BTD: variants seen among roughly 807,000 people sequenced by gnomAD.
BTD encodes biotinidase.
A neutral mutation model predicts 17.7 loss-of-function variants in BTD; 13 were observed. The ratio of observed to expected loss-of-function variants is 0.74; its 90% CI spans 0.48 to 1.17. BTD has a LOEUF of 1.17. Among genes scored for constraint, BTD ranks in the 50% most tolerant of loss-of-function variants. BTD has a pLI of 0.00. For missense variants in BTD, 674 were observed against 650.4 expected, an observed-to-expected ratio of 1.04 and a Z score of -0.39; for synonymous variants, 240 against 245.2, an observed-to-expected ratio of 0.98 and a Z score of 0.20.
intron 3 of BTD, among the ~76,000 whole-genome samples, chr3:15,693,197 T>C (rs960984809): frequency 1.3e-5 from 2 of 152,226 alleles, no homozygotes; most frequent in Non-Finnish European, 2.9e-5. Context: ...AATGTAAATA[T>C]ACTTAACACT....
intron 1 of BTD, among the ~76,000 whole-genome samples, chr3:15,626,013 T>C (rs551492680): frequency 6.6e-6 from 1 of 152,242 alleles, no homozygotes; most frequent in Non-Finnish European, 1.5e-5. Flanking sequence ...TCAATCTGTT[T>C]CTTCTTTTAT....
intron 3 of BTD, among the ~76,000 whole-genome samples, chr3:15,664,098 T>TG (rs1383279775): frequency 6.6e-6 from 1 of 152,132 alleles, no homozygotes; most frequent in Non-Finnish European, 1.5e-5. Context: ...AACGGGGTTT[T>TG]GCCATGTTGG....
intron 3 of BTD, among the ~76,000 whole-genome samples, chr3:15,660,313 T>G (rs575428977): frequency 6.6e-6 from 1 of 152,372 alleles, no homozygotes; most frequent in Admixed American, 6.5e-5. Flanking sequence ...AAAGGTGCTT[T>G]ACCTTAGCTG....
intron 3 of BTD, among the ~76,000 whole-genome samples, chr3:15,700,710 G>T (rs2070451005): frequency 6.6e-6 from 1 of 152,130 alleles, no homozygotes; most frequent in Non-Finnish European, 1.5e-5. Context: ...GGAGGCGGAG[G>T]TTGCAGTGAG....
intron 3 of BTD, among the ~76,000 whole-genome samples, chr3:15,691,967 AAAAT>A (rs1459646861): frequency 6.6e-6 from 1 of 151,920 alleles, no homozygotes; most frequent in South Asian, 2.1e-4. Context: ...ATCTCTGCCA[AAAAT>A]AAATAAACAA....
intron 1 of BTD, chr3:15,602,339 C>T (rs2064289345): frequency 9.6e-7 from 1 of 1,041,898 alleles, no homozygotes; most frequent in Non-Finnish European, 1.2e-6. Context: ...TTCTCCAGCC[C>T]TTGCTACTAA....
rs910827835 is a variant in BTD at position 15,675,763 on chromosome 3, C to T, written c.399+33706C>T. On this transcript the variant is annotated intron_variant, in intron 3 of 3. Coordinates refer to the BTD transcript ENST00000672141. ...TATTTCTTTTGCCCTTATTCCTTTG[C>T]CACAAACTACTCTTCAATATTAACT... The T allele has an allele frequency of 2.5e-5, 17 of 683,886 alleles. No individual in the cohort carries two copies. In the African/African-American group the frequency reaches 2.9e-4, roughly 12 times the overall value. 42.4% of individuals were successfully genotyped at this position (683,886 alleles called of 1,614,324 possible).
At chr3:15,625,625 G>A (rs2065047385) in intron 1 of BTD, among the ~76,000 whole-genome samples, 1 of 152,044 alleles carries the variant, frequency 6.6e-6, no homozygotes, top group African/African-American at 2.4e-5. Context: ...GTGCGATCTC[G>A]GCTCACTGCA....
downstream of BTD, among the ~76,000 whole-genome samples, chr3:15,658,328 A>G (rs1288617784): frequency 6.6e-6 from 1 of 152,196 alleles, no homozygotes; most frequent in Admixed American, 6.5e-5. Context: ...CATGTGTTTC[A>G]GCCCCCTGAT....
downstream of BTD, among the ~76,000 whole-genome samples, chr3:15,653,834 C>T (rs963218690): frequency 2.0e-5 from 3 of 152,170 alleles, no homozygotes; most frequent in African/African-American, 7.2e-5. Context: ...GCATTAGTTC[C>T]GTGTAAAATA....
rs1050035768 is a variant in BTD, at chr3:15,645,484, A to T, written c.1568A>T (p.Asp523Val). 4 of 1,605,048 alleles carry T rather than the reference A, an allele frequency of 2.5e-6. No homozygotes were observed. The African/African-American group carries it at 5.3e-5, about 21-fold the overall frequency. ...AALYGRLYER[D>V] The stretch of plus-strand genomic sequence containing the variant: ...CTCTATGGGCGCTTGTATGAGAGGG[A>T]CTAGGAAAAGTGTGTGGTCTGTGGG... The change falls in exon 4 of 4, where the codon GAC (aspartate) becomes GTC (valine). Residue 523 changes from aspartate to valine, a missense_variant. Transcript: ENST00000643237.
chr3:15,666,108 T>C (rs1247029646), intron 3 of BTD, among the ~76,000 whole-genome samples: 1 of 152,232 alleles, frequency 6.6e-6, no homozygotes, highest in East Asian at 1.9e-4. Flanking sequence ...TACTGCTGTA[T>C]GCCAAGAGCC....
chr3:15,652,601 TAA>T lies in BTD; in HGVS notation c.*7114_*7115del, dbSNP rs754965604. Among the ~76,000 whole-genome samples, 5 of 152,220 alleles carry T rather than the reference TAA, an allele frequency of 3.3e-5. No homozygotes were observed. The highest frequency in any genetic ancestry group is 7.3e-5 in the Non-Finnish European group (5 of 68,036). The stretch of plus-strand genomic sequence containing the variant: ...CCCCACAAAGTCACTCTTGATTTCC[TAA>T]GTCTCAGAAACTATAAAATATAAAT... On this transcript the variant is annotated 3_prime_UTR_variant, in exon 4 of 4. Transcript: ENST00000643237.
chr3:15,609,528 G>A (rs2064554218), intron 1 of BTD, among the ~76,000 whole-genome samples: 1 of 152,118 alleles, frequency 6.6e-6, no homozygotes, highest in Non-Finnish European at 1.5e-5. Context: ...CCAAAGTATT[G>A]TACCAATTTA....
intron 3 of BTD, chr3:15,696,087 G>C (rs1256157065): frequency 1.6e-6 from 2 of 1,240,548 alleles, no homozygotes; most frequent in East Asian, 5.0e-5. Flanking sequence ...TACATTATTA[G>C]ACTATAAACT....
downstream of BTD, among the ~76,000 whole-genome samples, chr3:15,716,791 G>A (rs976579636): frequency 1.9e-4 from 29 of 152,174 alleles, no homozygotes; most frequent in African/African-American, 6.0e-4. Flanking sequence ...CACGTTTCAC[G>A]CACAGTTTTA....
At chr3:15,692,253 C>G (rs1467093818) in intron 3 of BTD, among the ~76,000 whole-genome samples, 1 of 151,538 alleles carries the variant, frequency 6.6e-6, no homozygotes, top group Non-Finnish European at 1.5e-5. Context: ...GAGTTTGAGA[C>G]TAGCCTGGGC....
chr3:15,685,096 C>A (rs968038159), intron 3 of BTD: 9 of 848,808 alleles, frequency 1.1e-5, no homozygotes, highest in African/African-American at 1.7e-5. Context: ...ATTATTAGTA[C>A]GTGAGCCTAT....
intron 1 of BTD, chr3:15,631,383 T>A: frequency 7.2e-7 from 1 of 1,381,688 alleles, no homozygotes. Flanking sequence ...GCCTCTGAAA[T>A]TATTAAGAAT....
Sources: gnomAD v4.1 joint callset for allele counts (sites outside exome capture counted in the v4.1 genomes callset) on GRCh38, gnomAD v4.1.1 for gene constraint, MANE v1.5 for transcripts, NCBI Gene and HGNC (gene_info 2026-07-23, HGNC 2026-07-21) for gene names.